Variants in TCEA3 observed in about 807,000 individuals in gnomAD.
TCEA3 encodes transcription elongation factor A protein 3.
In TCEA3, 36 loss-of-function variants were observed where a neutral mutation model predicts 44.0. The ratio of observed to expected loss-of-function variants is 0.82; its 90% CI spans 0.63 to 1.08. The LOEUF (loss-of-function observed/expected upper bound fraction) is 1.08. TCEA3 is among the 50% of genes least tolerant of loss of function. TCEA3 has a pLI of 0.00. For missense variants in TCEA3, 392 were observed against 441.2 expected (o/e 0.89, Z 1.00); for synonymous variants, 162 against 159.7 (o/e 1.01, Z -0.11).
chr1:23,414,709 T>C (rs1009633387), intron 4 of TCEA3, among the ~76,000 whole-genome samples: 7 of 152,216 alleles, frequency 4.6e-5, no homozygotes, highest in Non-Finnish European at 2.9e-5. Context: ...CCTATTTTCT[T>C]ATTTATTTGT....
chr1:23,398,505 C>T (rs759062205), intron 5 of TCEA3, among the ~76,000 whole-genome samples: 1 of 152,206 alleles, frequency 6.6e-6, no homozygotes, highest in Non-Finnish European at 1.5e-5. Context: ...AAGGGGCTTA[C>T]AGTCTAGTGA....
At chr1:23,408,238 A>C (rs1407139084) in intron 5 of TCEA3, among the ~76,000 whole-genome samples, 2 of 152,186 alleles carry the variant, frequency 1.3e-5, no homozygotes, top group African/African-American at 2.4e-5. Flanking sequence ...CTGGGATTAC[A>C]GGCATGAGCC....
At chr1:23,392,595 C>T (rs1243999038) in intron 8 of TCEA3, among the ~76,000 whole-genome samples, 1 of 85,874 alleles carries the variant, frequency 1.2e-5, no homozygotes, top group Non-Finnish European at 2.6e-5. Flanking sequence ...CATACACACA[C>T]ACTCCACACA....
At chr1:23,397,404 A>T in intron 7 of TCEA3, 141 bp downstream of exon 7, 1 of 699,990 alleles carries the variant, frequency 1.4e-6, no homozygotes. Flanking sequence ...AGATAGAATT[A>T]AGAACTCTGG....
chr1:23,409,747 C>T (rs1274974990), intron 4 of TCEA3, among the ~76,000 whole-genome samples: 1 of 152,054 alleles, frequency 6.6e-6, no homozygotes, highest in Non-Finnish European at 1.5e-5. Flanking sequence ...GGGGGTTTCA[C>T]CATGTTGGCC....
intron 1 of TCEA3, 128 bp from the exon 2 acceptor site, chr1:23,419,267 AGAAG>A (rs925319832): frequency 1.7e-6 from 1 of 604,846 alleles, no homozygotes; most frequent in Admixed American, 3.1e-5. Flanking sequence ...GGCAAGGGGC[AGAAG>A]GAAGGAGAGA....
In TCEA3 at chr1:23,420,944, G is replaced by A. The variant is rs187646476; in HGVS notation, c.70-1805C>T. Among the ~76,000 whole-genome samples the A allele has an allele frequency of 1.1e-4, 16 of 152,228 alleles. No homozygotes were observed. In the East Asian group the frequency reaches 2.9e-3, roughly 28 times the overall value. On this transcript the variant is annotated intron_variant, in intron 1 of 10. Transcript: ENST00000450454. ...GGGGAGCACCAGGGGACGGTGTCCT[G>A]TATGTTCCTATCCTTGGCCCACAGT... is the stretch of plus-strand genomic sequence containing the variant.
At chr1:23,403,374 C>G (rs541758467) in intron 5 of TCEA3, 1 of 152,186 alleles carries the variant, frequency 6.6e-6, no homozygotes, top group East Asian at 1.9e-4. Flanking sequence ...TTTTTTCACA[C>G]GTAAAATCGG....
chr1:23,396,050 G>A (rs1639208015), intron 7 of TCEA3, among the ~76,000 whole-genome samples: 1 of 152,114 alleles, frequency 6.6e-6, no homozygotes, highest in Admixed American at 6.5e-5. Flanking sequence ...TGTACTTTTT[G>A]AGGTGCTGAA....
At chr1:23,393,829 G>C in intron 8 of TCEA3, 50 bp downstream of exon 8, 1 of 1,595,974 alleles carries the variant, frequency 6.3e-7, no homozygotes, top group East Asian at 2.2e-5. Flanking sequence ...ACTAGGCAGG[G>C]CTAGGGGGAC....
At position 23,422,877 on chromosome 1, in the gene TCEA3, C is replaced by T. The variant is rs977707712; in HGVS notation, c.69+1688G>A. On this transcript the variant is annotated intron_variant, in intron 1 of 10. Transcript: ENST00000450454. ...GTGAGGGGGAGGCCAGGGCAGGTCC[C>T]GTCCTCTTCAGCCAGAGCTCTATCC... Among the ~76,000 whole-genome samples the T allele has an allele frequency of 2.8e-4, 42 of 152,164 alleles. 1 individual carries two copies. The highest frequency in any genetic ancestry group is 7.2e-4 in the African/African-American group (30 of 41,434).
chr1:23,385,629 C>A (rs955521543), intron 9 of TCEA3, among the ~76,000 whole-genome samples: 20 of 152,210 alleles, frequency 1.3e-4, no homozygotes, highest in Non-Finnish European at 2.5e-4. Flanking sequence ...AGACGGAGAA[C>A]TCTGAATAGA....
In TCEA3 at chr1:23,408,732, A is replaced by G. The variant is rs1639625660; in HGVS notation, c.381-6T>C. ...TGGAGTCCACAGAGTCTCTCCTGAA[A>G]GAAGAAAATTGGCAAGGAGACTGCT... On this transcript the variant is annotated splice_region_variant and splice_polypyrimidine_tract_variant and intron_variant, in intron 4 of 10. Transcript: ENST00000450454. 1 of 1,604,566 alleles carries G rather than the reference A, an allele frequency of 6.2e-7. No individual in the cohort carries two copies. The highest frequency in any genetic ancestry group is 8.5e-7 in the Non-Finnish European group (1 of 1,175,486).
At chr1:23,414,726 A>T (rs1191806487) in intron 4 of TCEA3, among the ~76,000 whole-genome samples, 1 of 152,202 alleles carries the variant, frequency 6.6e-6, no homozygotes, top group Non-Finnish European at 1.5e-5. Flanking sequence ...TTGTATTTTT[A>T]AAACTTTCTA....
At position 23,411,518 on chromosome 1, in the gene TCEA3, A is replaced by G. The variant is rs535280645; in HGVS notation, c.381-2792T>C. The stretch of plus-strand genomic sequence containing the variant: ...TATGGTGAATACACGGATAAAAATA[A>G]TGGGAGGCGACAAGCAACAACAATC... On this transcript the variant is annotated intron_variant, in intron 4 of 10. Coordinates refer to ENST00000450454, the MANE Select transcript of TCEA3 (RefSeq NM_003196.3). 1.2e-4 allele frequency: 28 copies of G among 227,824 alleles called. No homozygotes were observed. In the South Asian group the frequency reaches 1.9e-3, roughly 15 times the overall value. 14.1% of individuals were successfully genotyped at this position (227,824 alleles called of 1,614,324 possible).
At chr1:23,397,179 G>A (rs1042366947) in intron 7 of TCEA3, among the ~76,000 whole-genome samples, 3 of 152,118 alleles carry the variant, frequency 2.0e-5, no homozygotes, top group African/African-American at 7.2e-5. Flanking sequence ...GAGCCTCCAG[G>A]TTCCAGGGTC....
intron 9 of TCEA3, among the ~76,000 whole-genome samples, chr1:23,387,069 T>G (rs1570225179): frequency 6.6e-6 from 1 of 152,094 alleles, no homozygotes; most frequent in East Asian, 1.9e-4. Flanking sequence ...GCCAGGCTGG[T>G]CTCAAACTCC....
At chr1:23,398,492 C>G (rs1639285648) in intron 5 of TCEA3, among the ~76,000 whole-genome samples, 1 of 152,200 alleles carries the variant, frequency 6.6e-6, no homozygotes, top group Admixed American at 6.5e-5. Context: ...AGCTCCTTCC[C>G]TTAAGGGGCT....
At position 23,419,135 on chromosome 1, in the gene TCEA3, C is replaced by T. The variant is rs769403120; in HGVS notation, c.74G>A (p.Gly25Glu). 1.9e-6 allele frequency: 3 copies of T among 1,593,772 alleles called. No homozygotes were observed. The highest frequency in any genetic ancestry group is 2.7e-5 in the African/African-American group (2 of 74,300). The change falls in exon 2 of 11, where the codon GGG becomes GAG. Residue 25 changes from glycine (G) to glutamate (E), a missense_variant. Gly to Glu is a moderately conservative substitution (Grantham distance 98). Coordinates refer to ENST00000450454, the MANE Select transcript of TCEA3 (RefSeq NM_003196.3). The part of the protein sequence containing the change: ...EKMVARKNTE[G>E]ALDLLKKLHS... ...CAGCTTCTTCAGAAGGTCCAGGGCC[C>T]CTTCCTGTGGGAGGCCACAAGGTGA...
Sources: allele counts gnomAD v4.1 joint callset (sites outside exome capture counted in the v4.1 genomes callset), GRCh38; gene constraint gnomAD v4.1.1; transcripts MANE v1.5; gene names NCBI Gene and HGNC (gene_info 2026-07-23, HGNC 2026-07-21).